Variants in WDR27 observed in about 807,000 individuals in gnomAD.
WDR27 encodes WD repeat-containing protein 27.
A neutral mutation model predicts 114.4 loss-of-function variants in WDR27; 100 were observed. That is an observed-to-expected ratio of 0.87 (90% confidence interval 0.74 to 1.03). WDR27 has a LOEUF of 1.03. WDR27 is among the 50% of genes least tolerant of loss of function. The pLI, the probability that WDR27 is intolerant of heterozygous loss-of-function variation, is 0.00. For missense variants in WDR27, 1,129 were observed against 1,092.9 expected (o/e 1.03, Z -0.47); for synonymous variants, 449 against 423.1 (o/e 1.06, Z -0.75).
At chr6:169,511,201 C>T (rs1297806192) in intron 25 of WDR27, among the ~76,000 whole-genome samples, 2 of 152,146 alleles carry the variant, frequency 1.3e-5, no homozygotes, top group African/African-American at 2.4e-5. Context: ...CTTTGTGTAA[C>T]CTTCCATTGA....
the WDR27 span, among the ~76,000 whole-genome samples, chr6:169,440,990 G>T: frequency 1.3e-4 from 19 of 150,590 alleles, no homozygotes; most frequent in African/African-American, 3.9e-4. Flanking sequence ...TTTTTTTCTT[G>T]TATTTTGCTC....
At position 169,473,726 on chromosome 6, in the gene WDR27, A is replaced by G. The variant is rs1344501636; in HGVS notation, c.2646-16092T>C. On this transcript the variant is annotated intron_variant, in intron 25 of 25. Coordinates refer to ENST00000448612, the MANE Select transcript of WDR27 (RefSeq NM_182552.5). ...AGCCATAGATGCAAGAATCACCAGTACTTCCTTTCAGTTTCATCACCTGGG... is the reference window on the plus strand; with the variant it reads ...AGCCATAGATGCAAGAATCACCAGTGCTTCCTTTCAGTTTCATCACCTGGG... Among the ~76,000 whole-genome samples, 3 of 152,098 alleles carry G rather than the reference A, an allele frequency of 2.0e-5. No homozygotes were observed. The East Asian group carries it at 5.8e-4, about 29-fold the overall frequency.
Position 169,634,542 on chromosome 6 carries a change from A to T in WDR27, c.2004-17T>A, listed in dbSNP as rs1288528894. 1 of 1,577,942 alleles carries T rather than the reference A, an allele frequency of 6.3e-7. No individual in the cohort carries two copies. Among genetic ancestry groups the T allele is most frequent in the Admixed American group, 1.8e-5 (1 of 56,906 alleles). On this transcript the variant is annotated splice_polypyrimidine_tract_variant and intron_variant, in intron 19 of 25. Transcript: ENST00000448612. Reference sequence around the variant, plus strand: ...TGTTTATATCTGGAAGAGAAAATCAAGATGATCAATATTTTTGCTTTCCTT... The same window carrying T: ...TGTTTATATCTGGAAGAGAAAATCATGATGATCAATATTTTTGCTTTCCTT...
At chr6:169,633,591 G>A (rs117483568) in intron 20 of WDR27, among the ~76,000 whole-genome samples, 188 of 152,222 alleles carry the variant, frequency 1.2e-3, no homozygotes, top group Middle Eastern at 3.4e-3. Context: ...CATTTAGGGC[G>A]CGTGTGACCA....
At chr6:169,685,437 G>A (rs1361578877) in intron 2 of WDR27, among the ~76,000 whole-genome samples, 2 of 151,986 alleles carry the variant, frequency 1.3e-5, no homozygotes, top group Admixed American at 1.3e-4. Flanking sequence ...AATACAGATA[G>A]ACAATTCAAC....
At chr6:169,660,956 C>T (rs1246329596) in intron 9 of WDR27, among the ~76,000 whole-genome samples, 190 bp from the exon 10 acceptor site, 2 of 149,626 alleles carry the variant, frequency 1.3e-5, no homozygotes, top group East Asian at 2.1e-4. Flanking sequence ...TTGGGCCCCA[C>T]GTGCGCCCCT....
intron 14 of WDR27, 50 bp from the exon 15 acceptor site, chr6:169,649,325 T>A (rs4145868): frequency 6.9e-7 from 1 of 1,444,322 alleles, no homozygotes; most frequent in Non-Finnish European, 9.5e-7. Flanking sequence ...GAGGTCTAAG[T>A]TTCTTAAGAG....
intron 16 of WDR27, 158 bp downstream of exon 16, chr6:169,647,615 G>GT (rs1821127296): frequency 1.3e-6 from 1 of 753,758 alleles, no homozygotes; most frequent in African/African-American, 1.7e-5. Flanking sequence ...CGCAGTCTCG[G>GT]TTTTCATCCA....
At chr6:169,631,331 C>T (rs1374099642) in intron 21 of WDR27, among the ~76,000 whole-genome samples, 1 of 152,086 alleles carries the variant, frequency 6.6e-6, no homozygotes, top group African/African-American at 2.4e-5. Flanking sequence ...TCCAACAACT[C>T]TCCCCAAGCT....
At chr6:169,557,794 A>AT (rs1381364555) in intron 25 of WDR27, among the ~76,000 whole-genome samples, 1 of 152,130 alleles carries the variant, frequency 6.6e-6, no homozygotes, top group African/African-American at 2.4e-5. Context: ...ACATCAAAGT[A>AT]TTTTTTAAAA....
chr6:169,432,108 C>CA, the WDR27 span, among the ~76,000 whole-genome samples: 2 of 152,164 alleles, frequency 1.3e-5, no homozygotes, highest in Non-Finnish European at 2.9e-5. Context: ...AAACAGCAGT[C>CA]ACACACACAA....
At chr6:169,564,814 C>G (rs970801284) in intron 25 of WDR27, among the ~76,000 whole-genome samples, 19 of 152,098 alleles carry the variant, frequency 1.2e-4, no homozygotes, top group African/African-American at 4.6e-4. Context: ...GCCCTGCCCC[C>G]ATTCCGTCAG....
At chr6:169,466,304 G>A (rs1053356529) in intron 25 of WDR27, among the ~76,000 whole-genome samples, 4 of 152,320 alleles carry the variant, frequency 2.6e-5, no homozygotes, top group East Asian at 1.9e-4. Context: ...AGAACTGCCT[G>A]AGACTGGGTA....
chr6:169,458,878 TGAA>T (rs1265006188), intron 25 of WDR27, among the ~76,000 whole-genome samples: 1 of 151,648 alleles, frequency 6.6e-6, no homozygotes, highest in African/African-American at 2.4e-5. Flanking sequence ...TAAGAAGATT[TGAA>T]GTTTATATCT....
At chr6:169,501,875 C>G (rs1443318533) in intron 25 of WDR27, among the ~76,000 whole-genome samples, 1 of 152,246 alleles carries the variant, frequency 6.6e-6, no homozygotes, top group Non-Finnish European at 1.5e-5. Context: ...GTCAATGAAG[C>G]AAGACCTCCC....
chr6:169,586,357 A>G (rs528909290), intron 23 of WDR27, among the ~76,000 whole-genome samples: 11 of 152,212 alleles, frequency 7.2e-5, no homozygotes, highest in South Asian at 2.1e-4. Flanking sequence ...CAATGGTGCA[A>G]TCTTTCCAGA....
At chr6:169,512,431 A>T (rs1793019323) in intron 25 of WDR27, among the ~76,000 whole-genome samples, 1 of 152,220 alleles carries the variant, frequency 6.6e-6, no homozygotes. Flanking sequence ...CCAAAAATTA[A>T]ATTAAATTTT....
At chr6:169,471,928 G>A (rs1196200675) in intron 25 of WDR27, among the ~76,000 whole-genome samples, 1 of 152,176 alleles carries the variant, frequency 6.6e-6, no homozygotes, top group Non-Finnish European at 1.5e-5. Flanking sequence ...CACATGGCGG[G>A]AGGGGCAGGA....
intron 8 of WDR27, among the ~76,000 whole-genome samples, chr6:169,662,811 C>A (rs1053602639): frequency 8.1e-6 from 1 of 123,926 alleles, no homozygotes; most frequent in African/African-American, 3.3e-5. Flanking sequence ...ATTCGGATCA[C>A]GTGTCGAGGA....
Sources: gnomAD v4.1 joint callset for allele counts (sites outside exome capture counted in the v4.1 genomes callset) on GRCh38, gnomAD v4.1.1 for gene constraint, MANE v1.5 for transcripts, NCBI Gene and HGNC (gene_info 2026-07-23, HGNC 2026-07-21) for gene names.